The following GPATCH8 variants were observed in gnomAD, a reference collection of about 807,000 sequenced individuals.
GPATCH8 encodes the protein G-patch domain containing 8.
GPATCH8 carries 18 observed loss-of-function variants against 118.3 expected under a neutral mutation model. The observed-to-expected ratio is 0.15, with a 90% CI of 0.11 to 0.23. GPATCH8 has a LOEUF of 0.23. Ranked by LOEUF, GPATCH8 falls within the 10% of genes least tolerant of loss-of-function variation. The pLI is 1.00. For synonymous variants in GPATCH8, 659 were observed against 684.7 expected (o/e 0.96, Z 0.59); for missense variants, 1,631 against 1,873.8 (o/e 0.87, Z 2.39).
chr17:44,429,686 A>ACACACACAC (rs371769035), intron 5 of GPATCH8, among the ~76,000 whole-genome samples: 1 of 147,154 alleles, frequency 6.8e-6, no homozygotes, highest in Non-Finnish European at 1.5e-5. Context: ...ACACACACAC[A>ACACACACAC]AAACAACAAA....
Position 44,400,801 on chromosome 17 carries a change from T to C in GPATCH8, c.1276A>G (p.Thr426Ala), listed in dbSNP as rs749672740. ...CTCTCTGGGGCATTCTTTGGGTGTG[T>C]AGTATTATCACCATCCATTTGTTCA... ...ASEQMDGDNTTHPKNAPESKK... is the reference protein window; with the variant it reads ...ASEQMDGDNTAHPKNAPESKK... The change falls in exon 8 of 8, where the codon ACA (threonine) becomes GCA (alanine). Residue 426 changes from threonine (T) to alanine (A), a missense_variant. Physicochemically the swap from Thr to Ala is moderately conservative, Grantham distance 58. Transcript: ENST00000591680. 6.2e-7 allele frequency: 1 copy of C among 1,614,044 alleles called. No homozygotes were observed. Among genetic ancestry groups the C allele is most frequent in the East Asian group, 2.2e-5 (1 of 44,890 alleles).
chr17:44,452,289 AG>A (rs572217431), intron 3 of GPATCH8, among the ~76,000 whole-genome samples: 150 of 146,238 alleles, frequency 1.0e-3, no homozygotes, highest in Middle Eastern at 3.6e-3. Flanking sequence ...AAAAAAAAAA[AG>A]AAAAAAAAAA....
chr17:44,485,899 T>C (rs995558328), intron 1 of GPATCH8, among the ~76,000 whole-genome samples: 2 of 152,208 alleles, frequency 1.3e-5, no homozygotes, highest in African/African-American at 4.8e-5. Flanking sequence ...GTGAATATTA[T>C]GTGTTTATTT....
intron 3 of GPATCH8, among the ~76,000 whole-genome samples, chr17:44,457,290 A>G (rs1167046260): frequency 6.6e-6 from 1 of 152,240 alleles, no homozygotes; most frequent in Non-Finnish European, 1.5e-5. Context: ...GTATGCCCAC[A>G]GAATGTACCA....
chr17:44,480,148 G>T (rs968162360), intron 1 of GPATCH8, among the ~76,000 whole-genome samples: 1 of 151,994 alleles, frequency 6.6e-6, no homozygotes, highest in Non-Finnish European at 1.5e-5. Flanking sequence ...TTTAAAGTGG[G>T]CATAAGATTT....
chr17:44,503,379 C>A lies in GPATCH8; in HGVS notation c.-9G>T. The A allele has an allele frequency of 6.2e-7, 1 of 1,605,734 alleles. No homozygotes were observed. Among genetic ancestry groups the A allele is most frequent in the Non-Finnish European group, 8.5e-7 (1 of 1,176,016 alleles). On this transcript the variant is annotated 5_prime_UTR_variant, in exon 1 of 8. It adds an upstream start codon to the 5' untranslated region. Transcript: ENST00000591680. The stretch of plus-strand genomic sequence containing the variant: ...GAGAAGCGGTCCGCCATTTTGCCGC[C>A]TTCACTCCTCTCAGGACGACGCTCT...
chr17:44,485,829 A>G (rs1450273231), intron 1 of GPATCH8, among the ~76,000 whole-genome samples: 1 of 152,188 alleles, frequency 6.6e-6, no homozygotes, highest in East Asian at 1.9e-4. Flanking sequence ...CATGTTCTTT[A>G]AGTCCAGGTA....
At chr17:44,444,743 A>G (rs558114560) in intron 3 of GPATCH8, among the ~76,000 whole-genome samples, 172 of 152,336 alleles carry the variant, frequency 1.1e-3, no homozygotes, top group African/African-American at 3.5e-3. Context: ...ATTGCACTCC[A>G]GTCTGGGGCA....
chr17:44,492,068 G>T (rs1454836535), intron 1 of GPATCH8, among the ~76,000 whole-genome samples: 1 of 152,062 alleles, frequency 6.6e-6, no homozygotes, highest in East Asian at 1.9e-4. Context: ...AGGAGGCTGA[G>T]GTGGGTGGAT....
intron 3 of GPATCH8, among the ~76,000 whole-genome samples, chr17:44,437,065 A>AT (rs903974521): frequency 1.3e-5 from 2 of 151,998 alleles, no homozygotes; most frequent in African/African-American, 2.4e-5. Context: ...ATGCTTTACA[A>AT]TTTTTTTTGA....
chr17:44,403,328 C>T (rs1001340135), intron 7 of GPATCH8, among the ~76,000 whole-genome samples: 3 of 152,146 alleles, frequency 2.0e-5, no homozygotes, highest in African/African-American at 7.2e-5. Context: ...CTGCCTCGGC[C>T]TCCCAAAGTG....
At chr17:44,409,111 T>C (rs1055942854) in intron 6 of GPATCH8, 1 of 152,182 alleles carries the variant, frequency 6.6e-6, no homozygotes, top group African/African-American at 2.4e-5. Context: ...GCTATTCACA[T>C]GTGTGATTCC....
chr17:44,479,737 G>C (rs1751132132), intron 1 of GPATCH8, among the ~76,000 whole-genome samples: 1 of 152,262 alleles, frequency 6.6e-6, no homozygotes. Flanking sequence ...GGGAGGTCGA[G>C]GCGGGTAGAT....
intron 5 of GPATCH8, among the ~76,000 whole-genome samples, chr17:44,427,327 A>C (rs2050125664): frequency 1.3e-5 from 2 of 151,946 alleles, no homozygotes; most frequent in South Asian, 4.2e-4. Context: ...TGTTTATATA[A>C]AATACATATA....
chr17:44,502,736 A>G (rs1970180433), intron 1 of GPATCH8, among the ~76,000 whole-genome samples: 1 of 152,236 alleles, frequency 6.6e-6, no homozygotes, highest in Non-Finnish European at 1.5e-5. Flanking sequence ...TAACAGCCTA[A>G]TAACAGCAAC....
At chr17:44,484,524 G>C (rs1351456642) in intron 1 of GPATCH8, among the ~76,000 whole-genome samples, 1 of 152,096 alleles carries the variant, frequency 6.6e-6, no homozygotes, top group Non-Finnish European at 1.5e-5. Flanking sequence ...GTGGTGGGTG[G>C]TTCACACCAG....
At chr17:44,442,108 C>CATATAT (rs36110298) in intron 3 of GPATCH8, among the ~76,000 whole-genome samples, 4 of 136,580 alleles carry the variant, frequency 2.9e-5, no homozygotes, top group East Asian at 2.1e-4. Context: ...TATATATATA[C>CATATAT]ATATATATAT....
chr17:44,416,486 A>G (rs1316174208), intron 6 of GPATCH8, among the ~76,000 whole-genome samples: 1 of 152,234 alleles, frequency 6.6e-6, no homozygotes, highest in Admixed American at 6.5e-5. Flanking sequence ...TAAGCAAAAC[A>G]GACCCCAAGA....
chr17:44,423,604 C>G (rs1157764335), intron 6 of GPATCH8, among the ~76,000 whole-genome samples: 2 of 152,148 alleles, frequency 1.3e-5, no homozygotes, highest in African/African-American at 4.8e-5. Flanking sequence ...GTTAAAGTCA[C>G]CCAAGATCAA....
Sources: gnomAD v4.1 joint callset for allele counts (sites outside exome capture counted in the v4.1 genomes callset) on GRCh38, gnomAD v4.1.1 for gene constraint, MANE v1.5 for transcripts, NCBI Gene and HGNC (gene_info 2026-07-23, HGNC 2026-07-21) for gene names.